The following KCNH3 variants were observed in gnomAD, a reference collection of about 807,000 sequenced individuals.
KCNH3 encodes voltage-gated inwardly rectifying potassium channel KCNH3.
KCNH3 carries 36 observed loss-of-function variants against 95.6 expected under a neutral mutation model. The ratio of observed to expected loss-of-function variants is 0.38; its 90% CI spans 0.29 to 0.50. KCNH3 has a LOEUF of 0.50. Among genes scored for constraint, KCNH3 ranks in the 20% least tolerant of loss-of-function variants. KCNH3 has a pLI of 0.95. For synonymous variants in KCNH3, 620 were observed against 646.3 expected (o/e 0.96, Z 0.62); for missense variants, 1,030 against 1,484.1 (o/e 0.69, Z 5.03).
intron 10 of KCNH3, 69 bp from the exon 11 acceptor site, chr12:49,554,268 T>C: frequency 7.8e-7 from 1 of 1,286,534 alleles, no homozygotes; most frequent in South Asian, 1.2e-5. Flanking sequence ...CTCAGCAACC[T>C]GCAGCCCCCT....
chr12:49,547,665 T>G (rs1471670600), intron 7 of KCNH3, among the ~76,000 whole-genome samples: 2 of 151,680 alleles, frequency 1.3e-5, no homozygotes, highest in Admixed American at 1.3e-4. Flanking sequence ...AATGAGTGGG[T>G]GGATGACAAG....
intron 10 of KCNH3, among the ~76,000 whole-genome samples, chr12:49,551,490 T>G (rs899277576): frequency 6.8e-6 from 1 of 147,942 alleles, no homozygotes; most frequent in Non-Finnish European, 1.5e-5. Context: ...GCAGAAGAAT[T>G]GCTTAAACCC....
chr12:49,540,853 C>T lies in KCNH3; in HGVS notation c.77-46C>T, dbSNP rs1289810369. 4 of 1,514,020 alleles carry T rather than the reference C, an allele frequency of 2.6e-6. No individual in the cohort carries two copies. The African/African-American group carries it at 4.1e-5, about 16-fold the overall frequency. 93.8% of individuals were successfully genotyped at this position (1,514,020 alleles called of 1,614,324 possible). A position where few individuals can be genotyped will look rare whatever the true frequency, so the allele number is the denominator to read the frequency against. ...TTGAGAAAGGAGGGGTGGTAGGCCT[C>T]CTGCCCCTTCACCCCACGCCTCCTC... is the stretch of plus-strand genomic sequence containing the variant. On this transcript the variant is annotated intron_variant, in intron 1 of 14. Coordinates refer to ENST00000257981, the MANE Select transcript of KCNH3 (RefSeq NM_012284.3).
intron 10 of KCNH3, among the ~76,000 whole-genome samples, chr12:49,552,804 C>T (rs564594864): frequency 1.6e-4 from 24 of 152,284 alleles, no homozygotes; most frequent in African/African-American, 5.5e-4. Flanking sequence ...TTTCAGATGA[C>T]GCCAATGAAA....
At chr12:49,553,052 A>G (rs545729742) in intron 10 of KCNH3, among the ~76,000 whole-genome samples, 65 of 152,302 alleles carry the variant, frequency 4.3e-4, no homozygotes, top group Non-Finnish European at 8.5e-4. Context: ...ACTTTCTAAC[A>G]GTCTGAACTG....
chr12:49,554,353 C>G lies in KCNH3; in HGVS notation c.1935C>G (p.Ile645Met). 6.2e-7 allele frequency: 1 copy of G among 1,613,400 alleles called. No homozygotes were observed. Among genetic ancestry groups the G allele is most frequent in the Non-Finnish European group, 8.5e-7 (1 of 1,180,008 alleles). ...VLAILGKGDL[I>M]GCELPRREQV... ...TCTCCCCAGGGAAGGGCGACCTGATCGGCTGTGAGCTGCCCCGGCGGGAGC... is the reference window on the plus strand; with the variant it reads ...TCTCCCCAGGGAAGGGCGACCTGATGGGCTGTGAGCTGCCCCGGCGGGAGC... The change falls in exon 11 of 15, where the codon ATC (isoleucine) becomes ATG (methionine). Residue 645 changes from isoleucine to methionine, a missense_variant. Ile to Met is a conservative substitution (Grantham distance 10). Around this residue, in one of 9 missense-constraint regions of KCNH3, gnomAD observed 160 missense variants for 316.2 expected, o/e 0.51. Coordinates refer to ENST00000257981, the MANE Select transcript of KCNH3 (RefSeq NM_012284.3).
intron 4 of KCNH3, 109 bp from the exon 5 acceptor site, chr12:49,543,166 C>T (rs916815151): frequency 2.3e-5 from 28 of 1,222,338 alleles, no homozygotes; most frequent in East Asian, 1.3e-4. Flanking sequence ...GATGCTGCTT[C>T]GATAATGCAG....
At chr12:49,547,483 C>A (rs1938098910) in intron 7 of KCNH3, among the ~76,000 whole-genome samples, 1 of 152,384 alleles carries the variant, frequency 6.6e-6, no homozygotes, top group South Asian at 2.1e-4. Flanking sequence ...CTTCCAGAAG[C>A]CTTCTAGCCC....
chr12:49,554,484 C>T lies in KCNH3; in HGVS notation c.2066C>T (p.Ala689Val). 2 of 1,613,656 alleles carry T rather than the reference C, an allele frequency of 1.2e-6. No homozygotes were observed. The highest frequency in any genetic ancestry group is 1.7e-6 in the Non-Finnish European group (2 of 1,180,010). The change falls in exon 11 of 15, where the codon GCC becomes GTC. Residue 689 changes from alanine to valine, a missense_variant. By Grantham distance (64) the Ala-to-Val change is moderately conservative. Transcript: ENST00000257981. ...HDSLALYPEF[A>V]PRFSRGLRGE... The stretch of plus-strand genomic sequence containing the variant: ...AGCCTTGCGCTGTACCCCGAGTTTG[C>T]CCCGCGCTTCAGTCGTGGCCTCCGA...
At position 49,557,673 on chromosome 12, in the gene KCNH3, C is replaced by T; in HGVS notation, c.2972C>T (p.Thr991Ile). Residue 991 changes from threonine to isoleucine, a missense_variant, in exon 15 of 15, where the codon ACA becomes ATA. Coordinates refer to ENST00000257981, the MANE Select transcript of KCNH3 (RefSeq NM_012284.3). Reference protein sequence around the residue: ...ASQSSPWPRATAFWTSTSDSE... With the variant: ...ASQSSPWPRAIAFWTSTSDSE... ...CAGAGCTCCCCCTGGCCTCGAGCCA[C>T]AGCTTTCTGGACCTCCACCTCAGAC... 1 of 1,613,792 alleles carries T rather than the reference C, an allele frequency of 6.2e-7. No homozygotes were observed. Among genetic ancestry groups the T allele is most frequent in the Non-Finnish European group, 8.5e-7 (1 of 1,179,982 alleles).
At chr12:49,556,131 CTG>C in intron 12 of KCNH3, 180 bp downstream of exon 12, 1 of 596,694 alleles carries the variant, frequency 1.7e-6, no homozygotes, top group Non-Finnish European at 3.0e-6. Context: ...TCCCACTCCA[CTG>C]TGTGGTGTGT....
chr12:49,544,141 T>TGCCAACCAAA, intron 6 of KCNH3, 34 bp from the exon 7 acceptor site: 1 of 1,413,414 alleles, frequency 7.1e-7, no homozygotes, highest in Middle Eastern at 1.8e-4. Flanking sequence ...CCCGCTGACC[T>TGCCAACCAAA]CCCTCCCTCC....
At chr12:49,548,864 G>A in intron 7 of KCNH3, 31 bp from the exon 8 acceptor site, 1 of 1,526,568 alleles carries the variant, frequency 6.6e-7, no homozygotes, top group Non-Finnish European at 8.8e-7. Context: ...CAGTCTTCCT[G>A]CCTGCTCAGG....
At chr12:49,551,095 G>A (rs936353329) in intron 10 of KCNH3, among the ~76,000 whole-genome samples, 8 of 152,200 alleles carry the variant, frequency 5.3e-5, no homozygotes, top group Admixed American at 1.3e-4. Flanking sequence ...TCGGCCAGCC[G>A]GGGCTGGAGC....
At chr12:49,543,717 T>C in intron 5 of KCNH3, 198 bp from the exon 6 acceptor site, 1 of 1,020,444 alleles carries the variant, frequency 9.8e-7, no homozygotes, top group South Asian at 1.7e-5. Flanking sequence ...TCAAAGCCTC[T>C]CTGAGCCTCC....
Position 49,557,499 on chromosome 12 carries a change from G to A in KCNH3, c.2798G>A (p.Gly933Glu), listed in dbSNP as rs142508918. 9.3e-6 allele frequency: 15 copies of A among 1,611,510 alleles called. No homozygotes were observed. The African/African-American group carries it at 1.6e-4, about 17-fold the overall frequency. ...GEGPCPASTSGLLQPLCVDTG... is the reference protein window; with the variant it reads ...GEGPCPASTSELLQPLCVDTG... ...GGGCCGTGCCCAGCCAGCACCTCCG[G>A]GCTTCTGCAGCCTCTGTGTGTGGAC... Residue 933 changes from glycine (G) to glutamate (E), a missense_variant, in exon 15 of 15, where the codon GGG (glycine) becomes GAG (glutamate). By Grantham distance (98) the Gly-to-Glu change is moderately conservative. This residue lies in a region of KCNH3 where 464 missense variants were observed against 493.2 expected (regional missense o/e 0.94). Coordinates refer to ENST00000257981, the MANE Select transcript of KCNH3 (RefSeq NM_012284.3).
chr12:49,543,708 C>T, intron 5 of KCNH3, 190 bp downstream of exon 5: 3 of 1,034,294 alleles, frequency 2.9e-6, no homozygotes, highest in Non-Finnish European at 4.1e-6. Flanking sequence ...TTGAGCTGGT[C>T]AAAGCCTCTC....
At position 49,558,142 on chromosome 12, in the gene KCNH3, A is replaced by G; in HGVS notation, c.*189A>G. On this transcript the variant is annotated 3_prime_UTR_variant, in exon 15 of 15. Transcript: ENST00000257981. ...AGAGGATAGGCTGGATCCCTGGGGC[A>G]GGCCTCTCCTCGGCCTGCTCCTCTG... 1 of 549,842 alleles carries G rather than the reference A, an allele frequency of 1.8e-6. No individual in the cohort carries two copies. The highest frequency in any genetic ancestry group is 2.8e-6 in the Non-Finnish European group (1 of 356,788). 34.1% of individuals were successfully genotyped at this position (549,842 alleles called of 1,614,324 possible). A position where few individuals can be genotyped will look rare whatever the true frequency, so the allele number is the denominator to read the frequency against.
chr12:49,546,339 C>T (rs1287942528), intron 7 of KCNH3: 1 of 152,166 alleles, frequency 6.6e-6, no homozygotes, highest in Admixed American at 6.5e-5. Flanking sequence ...ATCATCATCT[C>T]CTCTTTCTCC....
Sources: allele counts gnomAD v4.1 joint callset (sites outside exome capture counted in the v4.1 genomes callset), GRCh38; gene constraint gnomAD v4.1.1; regional missense constraint gnomAD v4.1.1; transcripts MANE v1.5; gene names NCBI Gene and HGNC (gene_info 2026-07-23, HGNC 2026-07-21).